PCDHGA10: variants seen among roughly 807,000 people sequenced by gnomAD.
PCDHGA10 encodes the protein protocadherin gamma subfamily A, 10.
In PCDHGA10, 42 loss-of-function variants were observed where a neutral mutation model predicts 59.5. The observed-to-expected ratio is 0.71, with a 90% CI of 0.55 to 0.91. The LOEUF (loss-of-function observed/expected upper bound fraction) is 0.91. Ranked by LOEUF, PCDHGA10 falls within the 40% of genes least tolerant of loss-of-function variation. PCDHGA10 has a pLI of 0.00. For missense variants in PCDHGA10, 1,111 were observed against 1,198.2 expected, an observed-to-expected ratio of 0.93 and a Z score of 1.07; for synonymous variants, 511 against 517.2, an observed-to-expected ratio of 0.99 and a Z score of 0.16.
At position 141,491,809 on chromosome 5, in the gene PCDHGA10, C is replaced by A. The variant is rs1421763758; in HGVS notation, c.2437-2998C>A. The A allele has an allele frequency of 6.7e-7, 1 of 1,487,044 alleles. No homozygotes were observed. The highest frequency in any genetic ancestry group is 1.4e-5 in the South Asian group (1 of 72,986). The allele number at this position is 1,487,044 out of a possible 1,614,324, so 92.1% of individuals were successfully genotyped here. On this transcript the variant is annotated intron_variant, in intron 1 of 3. Coordinates refer to ENST00000398610, the MANE Select transcript of PCDHGA10 (RefSeq NM_018913.3). This position sits in a 1 kb window ranked among gnomAD's most constrained non-coding sequence, Gnocchi z 6.9. Reference sequence around the variant, plus strand: ...TCCACTCCTCTCCGGCCGGCTTGGTCGCTGGCTGCGCTCCACCCGATTCTC... The same window carrying A: ...TCCACTCCTCTCCGGCCGGCTTGGTAGCTGGCTGCGCTCCACCCGATTCTC...
intron 1 of PCDHGA10, among the ~76,000 whole-genome samples, chr5:141,488,854 A>G (rs923370040): frequency 1.3e-5 from 2 of 152,226 alleles, no homozygotes; most frequent in Admixed American, 1.3e-4. Context: ...AACCTGCAGC[A>G]CGAAGTGAGT....
At chr5:141,506,432 C>A (rs2099853359) in intron 3 of PCDHGA10, among the ~76,000 whole-genome samples, 1 of 132,482 alleles carries the variant, frequency 7.5e-6, no homozygotes, top group Non-Finnish European at 1.6e-5. Context: ...GGGCAACAGT[C>A]TCGCTCTGTC....
Position 141,432,427 on chromosome 5 carries a change from C to T in PCDHGA10, c.2436+16816C>T, listed in dbSNP as rs775150918. 2.2e-5 allele frequency: 36 copies of T among 1,614,124 alleles called. No homozygotes were observed. The highest frequency in any genetic ancestry group is 3.1e-5 in the Non-Finnish European group (36 of 1,180,044). ...TGAGCCTGTTCGTGCTGGACCAGAA[C>T]GACAATGCGCCCGAGATCCTGTACC... On this transcript the variant is annotated intron_variant, in intron 1 of 3. Transcript: ENST00000398610. This position sits in a 1 kb window ranked among gnomAD's most constrained non-coding sequence, Gnocchi z 6.0.
chr5:141,489,300 C>G lies in PCDHGA10; in HGVS notation c.2437-5507C>G. The G allele has an allele frequency of 6.3e-7, 1 of 1,585,700 alleles. No individual in the cohort carries two copies. The highest frequency in any genetic ancestry group is 1.2e-5 in the South Asian group (1 of 85,012). Reference sequence around the variant, plus strand: ...AATGGCAAGTGCTGTGCATGTTGTCCTTGTGCTGCTGGGGCTGGGTGTCTG... The same window carrying G: ...AATGGCAAGTGCTGTGCATGTTGTCGTTGTGCTGCTGGGGCTGGGTGTCTG... On this transcript the variant is annotated intron_variant, in intron 1 of 3. Coordinates refer to ENST00000398610, the MANE Select transcript of PCDHGA10 (RefSeq NM_018913.3). This position sits in a 1 kb window ranked among gnomAD's most constrained non-coding sequence, Gnocchi z 4.5.
intron 1 of PCDHGA10, chr5:141,478,920 CCAGTGG>C: frequency 2.7e-6 from 2 of 728,392 alleles, no homozygotes; most frequent in South Asian, 4.5e-5. Flanking sequence ...ATACCTCTAA[CCAGTGG>C]CAGCTTCTAG....
intron 1 of PCDHGA10, chr5:141,422,001 C>T (rs2096616874): frequency 6.2e-7 from 1 of 1,609,114 alleles, no homozygotes; most frequent in Non-Finnish European, 8.5e-7. Context: ...ACATCAGCTC[C>T]GGAACTCGGG....
rs1252377833 is a variant in PCDHGA10, at chr5:141,485,012, G to T, written c.2437-9795G>T. On this transcript the variant is annotated intron_variant, in intron 1 of 3. Coordinates refer to ENST00000398610, the MANE Select transcript of PCDHGA10 (RefSeq NM_018913.3). The surrounding 1 kb of genome is among the most constrained non-coding windows in gnomAD (Gnocchi z 5.7). Reference sequence around the variant, plus strand: ...GGTGAAAGGCAGACAAATCTACCCCGCCACCAGCAAAAACGGCGCGTAACC... The same window carrying T: ...GGTGAAAGGCAGACAAATCTACCCCTCCACCAGCAAAAACGGCGCGTAACC... The T allele has an allele frequency of 1.3e-5, 8 of 630,528 alleles. No individual in the cohort carries two copies. In the Admixed American group the frequency reaches 1.5e-4, roughly 12 times the overall value. 39.1% of individuals were successfully genotyped at this position (630,528 alleles called of 1,614,324 possible).
chr5:141,487,404 C>A lies in PCDHGA10; in HGVS notation c.2437-7403C>A, dbSNP rs771371344. 1.2e-6 allele frequency: 2 copies of A among 1,614,178 alleles called. No homozygotes were observed. Among genetic ancestry groups the A allele is most frequent in the Non-Finnish European group, 1.7e-6 (2 of 1,180,032 alleles). ...AGATCTCGAAGGAGGGAGGGGCTTC[C>A]CCCTTCCAATGGGATCCTCCGAATC... is the stretch of plus-strand genomic sequence containing the variant. On this transcript the variant is annotated intron_variant, in intron 1 of 3. Coordinates refer to ENST00000398610, the MANE Select transcript of PCDHGA10 (RefSeq NM_018913.3). The surrounding 1 kb of genome is among the most constrained non-coding windows in gnomAD (Gnocchi z 5.0).
chr5:141,491,500 G>A lies in PCDHGA10; in HGVS notation c.2437-3307G>A. ...CAGCCCCAACCTGCAGGTGAGCTCG[G>A]ACGGCACGCTCAAGTACATGGAGGT... On this transcript the variant is annotated intron_variant, in intron 1 of 3. Transcript: ENST00000398610. The surrounding 1 kb of genome is among the most constrained non-coding windows in gnomAD (Gnocchi z 6.9). 3 of 1,614,102 alleles carry A rather than the reference G, an allele frequency of 1.9e-6. No homozygotes were observed. The highest frequency in any genetic ancestry group is 2.7e-5 in the African/African-American group (2 of 75,066).
intron 1 of PCDHGA10, among the ~76,000 whole-genome samples, chr5:141,468,186 A>G (rs2099159540): frequency 6.6e-6 from 1 of 151,848 alleles, no homozygotes; most frequent in African/African-American, 2.4e-5. Context: ...TTTGCTGGGC[A>G]TGGTGGCGGG....
At chr5:141,453,544 C>T (rs540372287) in intron 1 of PCDHGA10, among the ~76,000 whole-genome samples, 12 of 152,310 alleles carry the variant, frequency 7.9e-5, no homozygotes, top group African/African-American at 2.9e-4. Flanking sequence ...ATTCACACCA[C>T]ACTCTGTAGA....
chr5:141,490,467 C>T lies in PCDHGA10; in HGVS notation c.2437-4340C>T. ...AGAACCACTACTCGCTGCTAACCAG[C>T]CAGCCTTTGGACCGGGAGGCCACAT... is the stretch of plus-strand genomic sequence containing the variant. On this transcript the variant is annotated intron_variant, in intron 1 of 3. Transcript: ENST00000398610. This position sits in a 1 kb window ranked among gnomAD's most constrained non-coding sequence, Gnocchi z 5.4. The T allele has an allele frequency of 6.2e-7, 1 of 1,614,216 alleles. No individual in the cohort carries two copies. The highest frequency in any genetic ancestry group is 8.5e-7 in the Non-Finnish European group (1 of 1,180,040).
chr5:141,422,197 G>C, intron 1 of PCDHGA10: 1 of 1,562,284 alleles, frequency 6.4e-7, no homozygotes, highest in Non-Finnish European at 8.6e-7. Flanking sequence ...TCAAGGCCAA[G>C]ATGGTGGAGG....
At chr5:141,483,955 G>A (rs1244162791) in intron 1 of PCDHGA10, among the ~76,000 whole-genome samples, 1 of 144,218 alleles carries the variant, frequency 6.9e-6, no homozygotes, top group African/African-American at 2.6e-5. Flanking sequence ...ATTGTGTTGT[G>A]TTTCTGTGCT....
chr5:141,484,962 G>A (rs2099604361), intron 1 of PCDHGA10: 1 of 577,858 alleles, frequency 1.7e-6, no homozygotes, highest in Non-Finnish European at 3.1e-6. Flanking sequence ...GGCTGAGCCC[G>A]GGAGCCGCTG....
chr5:141,501,945 T>G (rs1318749969), intron 2 of PCDHGA10, among the ~76,000 whole-genome samples: 5 of 152,106 alleles, frequency 3.3e-5, no homozygotes, highest in African/African-American at 1.2e-4. Context: ...CACTGCTCCC[T>G]GTGACAGGTC....
intron 1 of PCDHGA10, among the ~76,000 whole-genome samples, chr5:141,446,247 A>T (rs969960822): frequency 6.6e-6 from 1 of 152,160 alleles, no homozygotes; most frequent in African/African-American, 2.4e-5. Context: ...GTAGATCTTC[A>T]GTGAAATATT....
At position 141,431,954 on chromosome 5, in the gene PCDHGA10, G is replaced by A. The variant is rs912037044; in HGVS notation, c.2436+16343G>A. 6.2e-7 allele frequency: 1 copy of A among 1,613,992 alleles called. No individual in the cohort carries two copies. Among genetic ancestry groups the A allele is most frequent in the African/African-American group, 1.3e-5 (1 of 74,896 alleles). ...GCCCTTTAAATTAGAAAAATCTTAC[G>A]GAAATTACTATAGTTTAGTCACAGA... is the stretch of plus-strand genomic sequence containing the variant. On this transcript the variant is annotated intron_variant, in intron 1 of 3. Coordinates refer to ENST00000398610, the MANE Select transcript of PCDHGA10 (RefSeq NM_018913.3). This position sits in a 1 kb window ranked among gnomAD's most constrained non-coding sequence, Gnocchi z 4.8.
rs1193417991 is a variant in PCDHGA10 at position 141,491,413 on chromosome 5, G to C, written c.2437-3394G>C. 5.0e-6 allele frequency: 8 copies of C among 1,613,946 alleles called. No individual in the cohort carries two copies. Among genetic ancestry groups the C allele is most frequent in the African/African-American group, 1.3e-5 (1 of 74,906 alleles). ...CCTTCAGGGAAACGCAGACGGGGAC[G>C]GGGGTGGAGGGCAGTGCTGCAGGCG... On this transcript the variant is annotated intron_variant, in intron 1 of 3. Transcript: ENST00000398610. The surrounding 1 kb of genome is among the most constrained non-coding windows in gnomAD (Gnocchi z 6.9).
Sources: gnomAD v4.1 joint callset for allele counts (sites outside exome capture counted in the v4.1 genomes callset) on GRCh38, gnomAD v4.1.1 for gene constraint, Gnocchi (gnomAD v3.1) non-coding constraint, MANE v1.5 for transcripts, NCBI Gene and HGNC (gene_info 2026-07-23, HGNC 2026-07-21) for gene names.